The following OPN3 variants were observed in gnomAD, a reference collection of about 807,000 sequenced individuals.
The protein encoded by OPN3 is opsin 3.
A neutral mutation model predicts 33.8 loss-of-function variants in OPN3; 29 were observed. That is an observed-to-expected ratio of 0.86 (90% CI 0.64 to 1.17). The LOEUF (loss-of-function observed/expected upper bound fraction) is 1.17. Ranked by LOEUF, OPN3 falls within the 50% of genes most tolerant of loss-of-function variation. The pLI, the probability that OPN3 is intolerant of heterozygous loss-of-function variation, is 0.00. For missense variants in OPN3, 437 were observed against 514.1 expected, an observed-to-expected ratio of 0.85 and a Z score of 1.45; for synonymous variants, 216 against 216.1, an observed-to-expected ratio of 1.00 and a Z score of 0.00.
rs774729676 is a variant in OPN3, at chr1:241,594,515, G to A, written c.1122C>T (p.Ile374=). 3.7e-6 allele frequency: 6 copies of A among 1,613,962 alleles called. No homozygotes were observed. The highest frequency in any genetic ancestry group is 5.1e-6 in the Non-Finnish European group (6 of 1,179,988). The change falls in exon 4 of 4, where the codon ATC becomes ATT. Residue 374 remains isoleucine (I), a synonymous_variant. Transcript: ENST00000366554. ...CTGACAGTGATTCATCACTGGTGAT[G>A]ATAAAAATGATGGAAGAAGAGTTGA... ...VTFNSSSIIF[I]ITSDESLSVD...
intron 1 of OPN3, chr1:241,635,375 A>G (rs1664849601): frequency 6.2e-7 from 1 of 1,613,948 alleles, no homozygotes; most frequent in African/African-American, 1.3e-5. Flanking sequence ...AACTTCAGTG[A>G]AGGTATTAGA....
At chr1:241,636,028 A>G (rs750747599) in intron 1 of OPN3, 1 of 479,078 alleles carries the variant, frequency 2.1e-6, no homozygotes, top group Non-Finnish European at 3.7e-6. Flanking sequence ...TCTTAGCAGT[A>G]AATGTCAAAA....
intron 1 of OPN3, among the ~76,000 whole-genome samples, chr1:241,620,285 C>T (rs1388298933): frequency 6.6e-6 from 1 of 152,064 alleles, no homozygotes; most frequent in Non-Finnish European, 1.5e-5. Flanking sequence ...TAAAAAGAAA[C>T]AGATGCAATT....
chr1:241,634,530 T>C (rs1664793829), intron 1 of OPN3: 1 of 1,614,004 alleles, frequency 6.2e-7, no homozygotes, highest in Non-Finnish European at 8.5e-7. Flanking sequence ...CCAGATTCTT[T>C]GTCGACTACA....
rs1663831792 is a variant in OPN3 at position 241,606,462 on chromosome 1, A to G, written c.374-1883T>C. Among the ~76,000 whole-genome samples the G allele has an allele frequency of 2.0e-5, 3 of 151,880 alleles. No individual in the cohort carries two copies. In the South Asian group the frequency reaches 6.2e-4, roughly 32 times the overall value. ...TGGGAGGCTGAGGCAGGAAAATTGTATGAACCAGGGAGGTGGAGGTTGCAG... is the reference window on the plus strand; with the variant it reads ...TGGGAGGCTGAGGCAGGAAAATTGTGTGAACCAGGGAGGTGGAGGTTGCAG... On this transcript the variant is annotated intron_variant, in intron 1 of 3. Coordinates refer to ENST00000366554, the MANE Select transcript of OPN3 (RefSeq NM_014322.3).
intron 1 of OPN3, chr1:241,633,522 C>CATAT: frequency 2.5e-6 from 1 of 405,208 alleles, no homozygotes; most frequent in South Asian, 2.9e-5. Context: ...GGAACCCTTA[C>CATAT]ATATATACCC....
At chr1:241,639,772 C>A in intron 1 of OPN3, 110 bp downstream of exon 1, 2 of 1,017,936 alleles carry the variant, frequency 2.0e-6, no homozygotes, top group Non-Finnish European at 2.5e-6. Flanking sequence ...GGCGCGGGGC[C>A]GAGCGGGAAG....
At chr1:241,632,206 C>T (rs1247476203) in intron 1 of OPN3, 2 of 152,748 alleles carry the variant, frequency 1.3e-5, no homozygotes, top group South Asian at 2.1e-4. Flanking sequence ...AGTTCTCATT[C>T]TCTCTTGTCC....
At chr1:241,627,705 T>G (rs1051283769) in intron 1 of OPN3, among the ~76,000 whole-genome samples, 1 of 152,160 alleles carries the variant, frequency 6.6e-6, no homozygotes, top group Admixed American at 6.5e-5. Context: ...GTGAATACAT[T>G]TGGTTGCTGG....
intron 1 of OPN3, among the ~76,000 whole-genome samples, chr1:241,624,120 G>A (rs962277355): frequency 6.7e-6 from 1 of 148,650 alleles, no homozygotes; most frequent in Non-Finnish European, 1.5e-5. Flanking sequence ...GCCTCCCCAC[G>A]CCAGGCCAGG....
At chr1:241,639,499 C>T (rs1166194311) in intron 1 of OPN3, among the ~76,000 whole-genome samples, 1 of 152,048 alleles carries the variant, frequency 6.6e-6, no homozygotes, top group African/African-American at 2.4e-5. Context: ...TCTCTTGACT[C>T]TACAGGCCCT....
intron 3 of OPN3, among the ~76,000 whole-genome samples, chr1:241,596,683 G>A (rs763531669): frequency 3.9e-5 from 6 of 152,184 alleles, no homozygotes; most frequent in Admixed American, 1.3e-4. Context: ...AAATTCCAAT[G>A]GAGTAATTAA....
At position 241,640,065 on chromosome 1, in the gene OPN3, C is replaced by G. The variant is rs752867532; in HGVS notation, c.190G>C (p.Val64Leu). ...LGVGNNLLVLVLYYKFQRLRT... is the reference protein window; with the variant it reads ...LGVGNNLLVLLLYYKFQRLRT... ...AGCCGCTGGAACTTGTAGTAGAGGA[C>G]GAGCACCAGCAGGTTGTTGCCGACG... Residue 64 changes from valine to leucine, a missense_variant, in exon 1 of 4, where the codon GTC (valine) becomes CTC (leucine). By Grantham distance (32) the Val-to-Leu change is conservative. Coordinates refer to ENST00000366554, the MANE Select transcript of OPN3 (RefSeq NM_014322.3). 1.9e-6 allele frequency: 3 copies of G among 1,611,622 alleles called. No individual in the cohort carries two copies. The South Asian group carries it at 3.3e-5, about 18-fold the overall frequency.
At chr1:241,633,834 T>C (rs1281650061) in intron 1 of OPN3, 1 of 1,613,760 alleles carries the variant, frequency 6.2e-7, no homozygotes, top group African/African-American at 1.3e-5. Flanking sequence ...TCTAGGTTTT[T>C]GCTTTCCTCA....
At chr1:241,634,626 C>T (rs775779533) in intron 1 of OPN3, 5 of 1,613,706 alleles carry the variant, frequency 3.1e-6, no homozygotes, top group Non-Finnish European at 8.5e-7. Flanking sequence ...TCTCCTTGGC[C>T]ATACAAGGGA....
intron 2 of OPN3, among the ~76,000 whole-genome samples, 186 bp downstream of exon 2, chr1:241,604,074 C>T (rs961230450): frequency 3.3e-5 from 5 of 152,110 alleles, no homozygotes; most frequent in African/African-American, 4.8e-5. Context: ...AGAGTAAATG[C>T]TATTCCGCAT....
intron 1 of OPN3, chr1:241,634,563 G>A: frequency 1.2e-6 from 2 of 1,613,842 alleles, no homozygotes; most frequent in Non-Finnish European, 1.7e-6. Flanking sequence ...TTATGACGAA[G>A]ACAATAGATT....
rs1311456381 is a variant in OPN3, at chr1:241,640,032, G to C, written c.223C>G (p.Pro75Ala). The C allele has an allele frequency of 6.2e-7, 1 of 1,613,426 alleles. No individual in the cohort carries two copies. The highest frequency in any genetic ancestry group is 8.5e-7 in the Non-Finnish European group (1 of 1,179,728). Residue 75 changes from proline (P) to alanine (A), a missense_variant, in exon 1 of 4, where the codon CCC becomes GCC. By Grantham distance (27) the Pro-to-Ala change is conservative. Coordinates refer to ENST00000366554, the MANE Select transcript of OPN3 (RefSeq NM_014322.3). ...ATGTTGACCAGGAGGAGGTGAGTGGGAGTGCGGAGCCGCTGGAACTTGTAG... is the reference window on the plus strand; with the variant it reads ...ATGTTGACCAGGAGGAGGTGAGTGGCAGTGCGGAGCCGCTGGAACTTGTAG... ...LYYKFQRLRT[P>A]THLLLVNISL...
At chr1:241,634,731 T>C in intron 1 of OPN3, 3 of 1,614,016 alleles carry the variant, frequency 1.9e-6, no homozygotes, top group Non-Finnish European at 1.7e-6. Flanking sequence ...GATTCTGATG[T>C]CATTGCAATT....
Sources: gnomAD v4.1 joint callset for allele counts (sites outside exome capture counted in the v4.1 genomes callset) on GRCh38, gnomAD v4.1.1 for gene constraint, MANE v1.5 for transcripts, NCBI Gene and HGNC (gene_info 2026-07-23, HGNC 2026-07-21) for gene names.